Variants in KHDRBS2 observed in about 807,000 individuals in gnomAD.
KHDRBS2 encodes KH RNA binding domain containing, signal transduction associated 2, also known as KH domain-containing, RNA-binding, signal transduction-associated protein 2.
A neutral mutation model predicts 44.3 loss-of-function variants in KHDRBS2; 26 were observed. The observed-to-expected ratio is 0.59, with a 90% confidence interval of 0.43 to 0.81. KHDRBS2 has a LOEUF of 0.81. Ranked by LOEUF, KHDRBS2 falls within the 40% of genes least tolerant of loss-of-function variation. The probability of loss-of-function intolerance (pLI) is 0.00; values close to 1 mark genes in which losing one functional copy is unlikely to be tolerated. For synonymous variants in KHDRBS2, 194 were observed against 151.1 expected, an observed-to-expected ratio of 1.28 and a Z score of -2.08; for missense variants, 476 against 433.1, an observed-to-expected ratio of 1.10 and a Z score of -0.88.
In KHDRBS2 at chr6:62,285,952, G is replaced by C. The variant is rs1461556819; in HGVS notation, c.-4C>G. 6.3e-7 allele frequency: 1 copy of C among 1,591,264 alleles called. No homozygotes were observed. The highest frequency in any genetic ancestry group is 8.6e-7 in the Non-Finnish European group (1 of 1,160,562). On this transcript the variant is annotated 5_prime_UTR_variant, in exon 1 of 9. Coordinates refer to ENST00000281156, the MANE Select transcript of KHDRBS2 (RefSeq NM_152688.4). ...GCAAATATTTCTCCTCTTCCATAGCGCGGACTTCGGATTGTCCCCGGGCGA... is the reference window on the plus strand; with the variant it reads ...GCAAATATTTCTCCTCTTCCATAGCCCGGACTTCGGATTGTCCCCGGGCGA...
intron 4 of KHDRBS2, among the ~76,000 whole-genome samples, chr6:61,914,632 C>A (rs996240283): frequency 6.6e-6 from 1 of 152,052 alleles, no homozygotes; most frequent in Non-Finnish European, 1.5e-5. Context: ...ACGTTGTGCA[C>A]ATGTACCCTA....
intron 4 of KHDRBS2, among the ~76,000 whole-genome samples, chr6:61,925,082 T>C (rs1187306479): frequency 6.6e-6 from 1 of 152,212 alleles, no homozygotes; most frequent in Non-Finnish European, 1.5e-5. Context: ...AAATAGCATG[T>C]AATCTTGTAA....
chr6:61,918,698 T>G (rs1200412882), intron 4 of KHDRBS2, among the ~76,000 whole-genome samples: 3 of 151,980 alleles, frequency 2.0e-5, no homozygotes, highest in African/African-American at 7.2e-5. Context: ...TGGGTGCTAT[T>G]CTGAATCAAT....
At chr6:61,803,210 T>C (rs1198749663) in intron 6 of KHDRBS2, among the ~76,000 whole-genome samples, 1 of 152,142 alleles carries the variant, frequency 6.6e-6, no homozygotes, top group African/African-American at 2.4e-5. Context: ...AATTTGTCAA[T>C]TGGTTTCAGA....
chr6:61,979,624 C>T (rs1773432068), intron 3 of KHDRBS2, among the ~76,000 whole-genome samples: 1 of 152,124 alleles, frequency 6.6e-6, no homozygotes, highest in Admixed American at 6.5e-5. Flanking sequence ...TAGCACCTTG[C>T]AGCCTGGAAA....
intron 1 of KHDRBS2, among the ~76,000 whole-genome samples, chr6:62,264,497 T>A (rs1838867586): frequency 6.6e-6 from 1 of 151,806 alleles, no homozygotes; most frequent in East Asian, 1.9e-4. Flanking sequence ...CTTGGTGACT[T>A]TTTGAATCTA....
At chr6:61,552,875 T>C in the KHDRBS2 span, among the ~76,000 whole-genome samples, 3 of 152,174 alleles carry the variant, frequency 2.0e-5, no homozygotes, top group African/African-American at 7.2e-5. Flanking sequence ...ATTAGCTTTT[T>C]GATGTGCTGC....
At chr6:62,217,028 A>T (rs1392352095) in intron 1 of KHDRBS2, among the ~76,000 whole-genome samples, 23 of 135,202 alleles carry the variant, frequency 1.7e-4, no homozygotes, top group Admixed American at 1.1e-3. Context: ...TGATCTGATT[A>T]AAAAAAAAAA....
intron 1 of KHDRBS2, among the ~76,000 whole-genome samples, chr6:62,267,345 A>G (rs890177965): frequency 1.3e-5 from 2 of 152,008 alleles, no homozygotes; most frequent in Admixed American, 6.6e-5. Flanking sequence ...CATGTCCTCT[A>G]TATTAGGAAT....
chr6:61,869,308 A>G (rs2127301083), intron 6 of KHDRBS2, among the ~76,000 whole-genome samples: 1 of 152,332 alleles, frequency 6.6e-6, no homozygotes, highest in South Asian at 2.1e-4. Flanking sequence ...ATTTCTTAAT[A>G]GCAATGTTAG....
chr6:61,723,406 G>T (rs1266712554), intron 7 of KHDRBS2, among the ~76,000 whole-genome samples: 1 of 152,182 alleles, frequency 6.6e-6, no homozygotes, highest in Non-Finnish European at 1.5e-5. Context: ...GACAGAAGTA[G>T]ACTTCAGAAG....
intron 2 of KHDRBS2, among the ~76,000 whole-genome samples, chr6:62,112,828 G>C (rs1584779652): frequency 6.6e-6 from 1 of 152,072 alleles, no homozygotes; most frequent in South Asian, 2.1e-4. Context: ...CAGAGCAATT[G>C]GTGCATCAAA....
the KHDRBS2 span, among the ~76,000 whole-genome samples, chr6:61,546,900 C>T: frequency 5.1e-4 from 77 of 152,126 alleles, no homozygotes; most frequent in East Asian, 0.011. Flanking sequence ...TTCATTCATC[C>T]ATTTTCCAAC....
intron 1 of KHDRBS2, among the ~76,000 whole-genome samples, chr6:62,243,385 T>C (rs1033250045): frequency 6.6e-6 from 1 of 152,082 alleles, no homozygotes; most frequent in African/African-American, 2.4e-5. Context: ...GCAAGTATTA[T>C]TCCTATACAG....
At chr6:62,103,763 T>C (rs208980) in intron 2 of KHDRBS2, among the ~76,000 whole-genome samples, 123,194 of 152,166 alleles carry the variant, frequency 0.81, 50,595 homozygotes, top group African/African-American at 0.95. Flanking sequence ...CCAGGCAGGC[T>C]GCTGCTGCCA....
intron 2 of KHDRBS2, among the ~76,000 whole-genome samples, chr6:62,173,135 G>A (rs1462130942): frequency 2.7e-5 from 4 of 150,818 alleles, no homozygotes; most frequent in Admixed American, 6.6e-5. Flanking sequence ...ACAAATGTTC[G>A]CGTCCAGGAG....
In KHDRBS2 at chr6:62,194,586, C is replaced by T. The variant is rs372709171; in HGVS notation, c.92-17274G>A. Among the ~76,000 whole-genome samples, 280 of 142,740 alleles carry T rather than the reference C, an allele frequency of 2.0e-3. 6 individuals are homozygous for T. In the South Asian group the frequency reaches 0.054, roughly 28 times the overall value. 93.6% of individuals were successfully genotyped at this position (142,740 alleles called of 152,430 possible). On this transcript the variant is annotated intron_variant, in intron 1 of 8. Transcript: ENST00000281156. Reference sequence around the variant, plus strand: ...CACAATCTCAGCTCACTGCAACCTCCGCCTCCCATTTCAAGGGATCCTCCT... The same window carrying T: ...CACAATCTCAGCTCACTGCAACCTCTGCCTCCCATTTCAAGGGATCCTCCT...
chr6:61,916,965 ATTTTTT>A (rs10700035), intron 4 of KHDRBS2, among the ~76,000 whole-genome samples: 26 of 90,640 alleles, frequency 2.9e-4, no homozygotes, highest in Admixed American at 8.3e-4. Flanking sequence ...GGAACTCTGT[ATTTTTT>A]TTTTTTTTTT....
intron 2 of KHDRBS2, among the ~76,000 whole-genome samples, chr6:62,057,261 T>A (rs1168149117): frequency 6.6e-6 from 1 of 151,986 alleles, no homozygotes; most frequent in Non-Finnish European, 1.5e-5. Flanking sequence ...CTGCCACAAT[T>A]TCTGAAGTTT....
Sources: allele counts gnomAD v4.1 joint callset (sites outside exome capture counted in the v4.1 genomes callset), GRCh38; gene constraint gnomAD v4.1.1; transcripts MANE v1.5; gene names NCBI Gene and HGNC (gene_info 2026-07-23, HGNC 2026-07-21).